Variants in STK32C observed in about 807,000 individuals in gnomAD.
STK32C encodes serine/threonine kinase 32C, also known as serine/threonine-protein kinase 32C.
A neutral mutation model predicts 56.5 loss-of-function variants in STK32C; 31 were observed. The observed-to-expected ratio is 0.55, with a 90% CI of 0.41 to 0.74. The LOEUF (loss-of-function observed/expected upper bound fraction) is 0.74, where lower values mean the gene tolerates loss of function less well. STK32C is among the 30% of genes least tolerant of loss of function. The pLI, the probability that STK32C is intolerant of heterozygous loss-of-function variation, is 0.00. For missense variants in STK32C, 544 were observed against 676.9 expected (o/e 0.80, Z 2.18); for synonymous variants, 309 against 289.4 (o/e 1.07, Z -0.69).
At chr10:132,311,678 G>GA (rs1230860682), upstream of STK32C, among the ~76,000 whole-genome samples, 2 of 152,146 alleles carry the variant, frequency 1.3e-5, no homozygotes, top group Non-Finnish European at 2.9e-5. The surrounding 1 kb of genome is among the most constrained non-coding windows in gnomAD (Gnocchi z 4.4). Context: ...TCTGCTTAAG[G>GA]ACCCACAACC....
chr10:132,267,544 T>A (rs924012970), intron 1 of STK32C, among the ~76,000 whole-genome samples: 1 of 147,248 alleles, frequency 6.8e-6, no homozygotes, highest in African/African-American at 2.5e-5. Context: ...CATGTTCAGC[T>A]CTATGCCTGT....
chr10:132,292,001 C>G (rs1002999956), intron 1 of STK32C, among the ~76,000 whole-genome samples: 8 of 152,136 alleles, frequency 5.3e-5, no homozygotes, highest in Non-Finnish European at 1.2e-4. Context: ...CACTTCCCAC[C>G]GTTGCACTGA....
intron 1 of STK32C, among the ~76,000 whole-genome samples, chr10:132,294,356 C>A (rs192675064): frequency 2.6e-5 from 4 of 152,258 alleles, no homozygotes; most frequent in Non-Finnish European, 5.9e-5. Flanking sequence ...GGGAGGGGCC[C>A]GCCCCAAGGC....
chr10:132,331,835 C>T, upstream of STK32C: 1 of 1,499,754 alleles, frequency 6.7e-7, no homozygotes, highest in Non-Finnish European at 9.0e-7. Flanking sequence ...AGGCCGCGGG[C>T]GCGGAAAAAC....
downstream of STK32C, among the ~76,000 whole-genome samples, chr10:132,322,153 T>C (rs1215995657): frequency 6.6e-5 from 10 of 152,250 alleles, no homozygotes; most frequent in Non-Finnish European, 1.0e-4. Context: ...TGCATTTCTC[T>C]GACAGCTAGT....
rs753031179 is a variant in STK32C at position 132,224,378 on chromosome 10, G to C, written c.993+29C>G. On this transcript the variant is annotated intron_variant, in intron 8 of 11. Transcript: ENST00000298630. ...GAGGGAGGGAGGTGGGTGCTCGGAG[G>C]GTGAGGAGGCTCAGGGATGGGGGCT... 1.5e-5 allele frequency: 22 copies of C among 1,506,418 alleles called. No homozygotes were observed. In the South Asian group the frequency reaches 2.5e-4, roughly 17 times the overall value. 93.3% of individuals were successfully genotyped at this position (1,506,418 alleles called of 1,614,324 possible).
chr10:132,317,965 C>T (rs1252539268), intron 1 of STK32C, among the ~76,000 whole-genome samples: 2 of 116,794 alleles, frequency 1.7e-5, no homozygotes, highest in African/African-American at 7.2e-5. Flanking sequence ...GAGACTCTGT[C>T]TCAAAAAAAA....
chr10:132,234,701 G>A (rs906773379), intron 2 of STK32C, among the ~76,000 whole-genome samples: 13 of 152,194 alleles, frequency 8.5e-5, no homozygotes, highest in African/African-American at 3.1e-4. Context: ...GTCAGTCAGG[G>A]ACCACCTCTT....
upstream of STK32C, chr10:132,307,988 G>A (rs2066134934): frequency 1.0e-6 from 1 of 990,182 alleles, no homozygotes; most frequent in South Asian, 4.2e-5. The surrounding 1 kb of genome is among the most constrained non-coding windows in gnomAD (Gnocchi z 4.4). Flanking sequence ...CGAGCGCTGG[G>A]GGCGGGGCAG....
intron 3 of STK32C, among the ~76,000 whole-genome samples, chr10:132,227,237 G>A (rs1234080138): frequency 6.6e-6 from 1 of 152,278 alleles, no homozygotes; most frequent in African/African-American, 2.4e-5. Flanking sequence ...ATGCAGAGCA[G>A]AGCTACAGTG....
chr10:132,331,633 C>A (rs756891286), exon 1 of STK32C: 9 of 1,612,738 alleles, frequency 5.6e-6, no homozygotes, highest in Non-Finnish European at 7.6e-6. Context: ...GCAGCGAGGA[C>A]CGCTCCAAAG....
chr10:132,263,884 A>AAAAAG (rs2064397715), intron 1 of STK32C, among the ~76,000 whole-genome samples: 3 of 150,416 alleles, frequency 2.0e-5, no homozygotes, highest in Non-Finnish European at 3.0e-5. Context: ...AAAAAAAAAA[A>AAAAAG]GTTGGGATTA....
At chr10:132,331,306 A>T (rs2066718727) in intron 1 of STK32C, 2 of 886,490 alleles carry the variant, frequency 2.3e-6, no homozygotes, top group African/African-American at 3.4e-5. Context: ...ACTTTTCATT[A>T]TCAGTTGGAT....
chr10:132,238,170 G>A (rs10870275), intron 2 of STK32C, among the ~76,000 whole-genome samples: 27,701 of 152,112 alleles, frequency 0.18, 2,764 homozygotes, highest in Middle Eastern at 0.24. Context: ...CCTTGGGACC[G>A]AGGCAGCTTC....
intron 2 of STK32C, among the ~76,000 whole-genome samples, chr10:132,239,157 G>A (rs1035203174): frequency 1.3e-5 from 2 of 152,234 alleles, no homozygotes; most frequent in Non-Finnish European, 2.9e-5. Flanking sequence ...GAACCCTCAG[G>A]ATGCTGGTGG....
intron 1 of STK32C, among the ~76,000 whole-genome samples, chr10:132,316,870 A>G (rs1398502027): frequency 1.3e-5 from 2 of 152,006 alleles, no homozygotes; most frequent in East Asian, 3.9e-4. Context: ...CTTGGCCAAC[A>G]TGATGAAACC....
intron 1 of STK32C, among the ~76,000 whole-genome samples, chr10:132,259,249 C>T (rs960697081): frequency 1.3e-5 from 2 of 152,232 alleles, no homozygotes; most frequent in African/African-American, 4.8e-5. Flanking sequence ...TAAGATGTAA[C>T]TTCCTGACAT....
intron 1 of STK32C, among the ~76,000 whole-genome samples, chr10:132,328,332 C>T (rs1486891902): frequency 3.3e-5 from 5 of 151,680 alleles, no homozygotes; most frequent in South Asian, 4.2e-4. Context: ...ACTGCCGGAG[C>T]GAGATTACAG....
rs377579229 is a variant in STK32C, at chr10:132,245,951, G to A, written c.267C>T (p.Asn89=). Residue 89 remains asparagine (N), a synonymous_variant, in exon 2 of 12, where the codon AAC becomes AAT. Transcript: ENST00000298630. ...RPVFDDKEDV[N]FDHFQILRAI... is the part of the protein sequence containing the mutation. ...CCCGAAGGATCTGGAAGTGGTCGAA[G>A]TTCACTGCAGGATAAAACAGAGGGA... The A allele has an allele frequency of 1.2e-6, 2 of 1,613,610 alleles. No individual in the cohort carries two copies. Among genetic ancestry groups the A allele is most frequent in the Non-Finnish European group, 1.7e-6 (2 of 1,180,018 alleles).
Sources: gnomAD v4.1 joint callset for allele counts (sites outside exome capture counted in the v4.1 genomes callset) on GRCh38, gnomAD v4.1.1 for gene constraint, Gnocchi (gnomAD v3.1) non-coding constraint, MANE v1.5 for transcripts, NCBI Gene and HGNC (gene_info 2026-07-23, HGNC 2026-07-21) for gene names.